PPP2R2C: variants seen among roughly 807,000 people sequenced by gnomAD.
The protein encoded by PPP2R2C is protein phosphatase 2 regulatory subunit Bgamma, also known as protein phosphatase 2, regulatory subunit B, gamma.
A neutral mutation model predicts 45.3 loss-of-function variants in PPP2R2C; 10 were observed. The observed-to-expected ratio is 0.22, with a 90% CI of 0.14 to 0.37. The LOEUF is 0.37. Ranked by LOEUF, PPP2R2C falls within the 10% of genes least tolerant of loss-of-function variation. PPP2R2C has a pLI of 1.00. For synonymous variants in PPP2R2C, 257 were observed against 245.4 expected, an observed-to-expected ratio of 1.05 and a Z score of -0.44; for missense variants, 308 against 619.7, an observed-to-expected ratio of 0.50 and a Z score of 5.34.
intron 2 of PPP2R2C, among the ~76,000 whole-genome samples, chr4:6,482,502 G>A (rs948625207): frequency 2.6e-5 from 4 of 152,170 alleles, no homozygotes; most frequent in African/African-American, 9.7e-5. Flanking sequence ...AGATTTTACT[G>A]CTACTGTAAA....
intron 5 of PPP2R2C, among the ~76,000 whole-genome samples, chr4:6,366,760 C>A (rs943429681): frequency 6.6e-6 from 1 of 152,200 alleles, no homozygotes; most frequent in Admixed American, 6.5e-5. Flanking sequence ...CTCCACCCCA[C>A]CCTGCCCCAT....
intron 2 of PPP2R2C, among the ~76,000 whole-genome samples, chr4:6,504,751 T>C (rs1723166118): frequency 6.6e-6 from 1 of 152,178 alleles, no homozygotes; most frequent in African/African-American, 2.4e-5. Flanking sequence ...ATTTTTACTC[T>C]ATCTGAAAAA....
intron 1 of PPP2R2C, among the ~76,000 whole-genome samples, chr4:6,395,970 A>G (rs1485558103): frequency 6.6e-6 from 1 of 152,198 alleles, no homozygotes; most frequent in East Asian, 1.9e-4. Context: ...GCAGCAAACA[A>G]GGAGTGGCTT....
chr4:6,344,947 A>G (rs961887079), intron 6 of PPP2R2C, among the ~76,000 whole-genome samples: 1 of 152,162 alleles, frequency 6.6e-6, no homozygotes, highest in Non-Finnish European at 1.5e-5. Context: ...TCTCCCTCAA[A>G]AGGACGCCGA....
intron 2 of PPP2R2C, among the ~76,000 whole-genome samples, chr4:6,509,598 G>A (rs35690910): frequency 0.088 from 13,435 of 152,168 alleles, 624 homozygotes; most frequent in African/African-American, 0.1. Context: ...TCATTTAAGT[G>A]GCTGTGTCTG....
chr4:6,470,773 C>T (rs970117427), intron 1 of PPP2R2C, among the ~76,000 whole-genome samples: 2 of 152,198 alleles, frequency 1.3e-5, no homozygotes, highest in African/African-American at 4.8e-5. Context: ...AAGCCGCGGC[C>T]GGGTCAGAGC....
chr4:6,517,597 C>T (rs1045296865), intron 2 of PPP2R2C, among the ~76,000 whole-genome samples: 9 of 152,112 alleles, frequency 5.9e-5, no homozygotes, highest in Non-Finnish European at 1.0e-4. Context: ...TGAGAGGGCC[C>T]GGCCTGCACA....
At position 6,372,452 on chromosome 4, in the gene PPP2R2C, A is replaced by C. The variant is rs529065416; in HGVS notation, c.625+71T>G. 32 of 1,534,994 alleles carry C rather than the reference A, an allele frequency of 2.1e-5. No homozygotes were observed. In the African/African-American group the frequency reaches 3.8e-4, roughly 18 times the overall value. On this transcript the variant is annotated intron_variant, in intron 5 of 8. Transcript: ENST00000382599. ...CCCCAAACCAGCTGTCTGCCAATCA[A>C]ACCAAACCCACCACCCAACGGAAGC... is the stretch of plus-strand genomic sequence containing the variant.
At chr4:6,428,011 G>C (rs941316481) in intron 1 of PPP2R2C, among the ~76,000 whole-genome samples, 2 of 152,188 alleles carry the variant, frequency 1.3e-5, no homozygotes, top group South Asian at 2.1e-4. Context: ...AACAGCTGGG[G>C]TGCCAGGATT....
chr4:6,370,227 G>A (rs938713689), intron 5 of PPP2R2C, among the ~76,000 whole-genome samples: 5 of 152,224 alleles, frequency 3.3e-5, no homozygotes, highest in African/African-American at 1.2e-4. Flanking sequence ...GCCAACTGGG[G>A]ACTCTGGGCC....
At chr4:6,432,585 G>C (rs1719680907) in intron 1 of PPP2R2C, among the ~76,000 whole-genome samples, 1 of 152,234 alleles carries the variant, frequency 6.6e-6, no homozygotes, top group South Asian at 2.1e-4. Context: ...GGACTGTACA[G>C]TAATATGGTG....
At chr4:6,554,323 AAAG>A (rs1342824436) in intron 1 of PPP2R2C, among the ~76,000 whole-genome samples, 2 of 152,204 alleles carry the variant, frequency 1.3e-5, no homozygotes, top group African/African-American at 4.8e-5. Flanking sequence ...AAAGAATGCC[AAAG>A]ATGGACAGCA....
chr4:6,411,774 A>G (rs532291750), intron 1 of PPP2R2C, among the ~76,000 whole-genome samples: 48 of 151,732 alleles, frequency 3.2e-4, no homozygotes, highest in Admixed American at 2.6e-3. Context: ...GGATGGTCTC[A>G]ATCTCCTGAC....
intron 1 of PPP2R2C, among the ~76,000 whole-genome samples, chr4:6,431,794 G>A (rs1381216124): frequency 6.6e-6 from 1 of 152,166 alleles, no homozygotes; most frequent in Non-Finnish European, 1.5e-5. Context: ...AGTGGGTGGA[G>A]GATGGGCCGT....
chr4:6,350,201 C>T (rs1712412647), intron 5 of PPP2R2C: 1 of 985,416 alleles, frequency 1.0e-6, no homozygotes, highest in Non-Finnish European at 1.2e-6. Context: ...AAGAAAAGAG[C>T]CCTCCTCCTG....
At chr4:6,402,373 C>T (rs1240485394) in intron 1 of PPP2R2C, among the ~76,000 whole-genome samples, 1 of 152,206 alleles carries the variant, frequency 6.6e-6, no homozygotes, top group Non-Finnish European at 1.5e-5. Context: ...TAATGAGCTG[C>T]CAAGGGTGTG....
In PPP2R2C at chr4:6,323,470, G is replaced by A. The variant is rs775980958; in HGVS notation, c.1176C>T (p.Arg392=). 3.5e-5 allele frequency: 56 copies of A among 1,612,752 alleles called. No homozygotes were observed. The highest frequency in any genetic ancestry group is 3.3e-5 in the South Asian group (3 of 91,046). The change falls in exon 9 of 9, where the codon CGC becomes CGT. Residue 392 remains arginine (R), a synonymous_variant. Transcript: ENST00000382599. ...SKPRAVLKPR[R]VCVGGKRRRD... is the part of the protein sequence containing the mutation. Reference sequence around the variant, plus strand: ...GCCGGCGCTTGCCCCCCACGCACACGCGCCGTGGCTTGAGCACAGCCCGGG... The same window carrying A: ...GCCGGCGCTTGCCCCCCACGCACACACGCCGTGGCTTGAGCACAGCCCGGG...
chr4:6,478,136 C>T (rs373084438), intron 2 of PPP2R2C, among the ~76,000 whole-genome samples: 8 of 152,320 alleles, frequency 5.3e-5, no homozygotes, highest in South Asian at 2.1e-4. Flanking sequence ...ATGCTCCCGC[C>T]GACAGTGCCA....
At chr4:6,381,835 A>C (rs1204804882) in intron 1 of PPP2R2C, 2 of 1,613,698 alleles carry the variant, frequency 1.2e-6, no homozygotes, top group Non-Finnish European at 1.7e-6. Context: ...TGGAGAAAAA[A>C]GACAGCCCCA....
Sources: allele counts gnomAD v4.1 joint callset (sites outside exome capture counted in the v4.1 genomes callset), GRCh38; gene constraint gnomAD v4.1.1; transcripts MANE v1.5; gene names NCBI Gene and HGNC (gene_info 2026-07-23, HGNC 2026-07-21).